The following CMKLR2 variants were observed in gnomAD, a reference collection of about 807,000 sequenced individuals.
CMKLR2 encodes chemerin chemokine-like receptor 2.
A neutral mutation model predicts 23.0 loss-of-function variants in CMKLR2; 18 were observed. That is an observed-to-expected ratio of 0.78 (90% CI 0.54 to 1.16). The LOEUF (loss-of-function observed/expected upper bound fraction) is 1.16. Ranked by LOEUF, CMKLR2 falls within the 50% of genes most tolerant of loss-of-function variation. The pLI is 0.00. For synonymous variants in CMKLR2, 158 were observed against 158.9 expected, an observed-to-expected ratio of 0.99 and a Z score of 0.05; for missense variants, 401 against 412.7, an observed-to-expected ratio of 0.97 and a Z score of 0.25.
intron 1 of CMKLR2, among the ~76,000 whole-genome samples, chr2:206,204,301 C>G (rs1474739742): frequency 6.8e-6 from 1 of 147,766 alleles, no homozygotes; most frequent in Non-Finnish European, 1.5e-5. Flanking sequence ...TTACAGTGAG[C>G]CGAGATCGCA....
chr2:206,198,890 C>G (rs1398751081), intron 1 of CMKLR2, among the ~76,000 whole-genome samples: 2 of 152,168 alleles, frequency 1.3e-5, no homozygotes, highest in Non-Finnish European at 2.9e-5. Context: ...TAGAACCACC[C>G]TAATGAGTCA....
chr2:206,186,755 G>T (rs113654226), intron 1 of CMKLR2, among the ~76,000 whole-genome samples: 4 of 150,864 alleles, frequency 2.7e-5, no homozygotes, highest in Non-Finnish European at 5.9e-5. Context: ...ACTATGGTGG[G>T]TTAAAGAGGT....
At chr2:206,207,359 C>T (rs1298858898) in intron 1 of CMKLR2, among the ~76,000 whole-genome samples, 2 of 151,926 alleles carry the variant, frequency 1.3e-5, no homozygotes, top group African/African-American at 2.4e-5. Context: ...AGGCTGGTCT[C>T]GAACTCCTGA....
chr2:206,194,747 T>TC (rs1688865907), intron 1 of CMKLR2, among the ~76,000 whole-genome samples: 1 of 125,496 alleles, frequency 8.0e-6, no homozygotes, highest in East Asian at 2.3e-4. Context: ...TCATAGACTT[T>TC]TTTTTTTTTT....
At chr2:206,179,062 T>G (rs1335808952) in intron 1 of CMKLR2, among the ~76,000 whole-genome samples, 1,067 of 42,186 alleles carry the variant, frequency 0.025, 83 homozygotes, top group African/African-American at 0.11. Context: ...TCCCTTTTTT[T>G]TTTTTTTTTT....
rs13009411 is a variant in CMKLR2, at chr2:206,212,182, A to T, written c.-29+1125T>A. On this transcript the variant is annotated intron_variant, in intron 1 of 1. Transcript: ENST00000621141. ...TTCTGGTTAACATGATCTGTTATTA[A>T]ATATTTATCTCAGGGACATGACAAT... 3.4e-3 allele frequency among the ~76,000 whole-genome samples: 512 copies of T among 152,266 alleles called. 2 individuals carry two copies. The highest frequency in any genetic ancestry group is 0.011 in the South Asian group (54 of 4,808).
chr2:206,204,603 G>T (rs1689244410), intron 1 of CMKLR2, among the ~76,000 whole-genome samples: 1 of 151,698 alleles, frequency 6.6e-6, no homozygotes. Flanking sequence ...CTGTCGCCCA[G>T]GCCAGAGTGC....
intron 1 of CMKLR2, among the ~76,000 whole-genome samples, chr2:206,201,828 C>A (rs115999966): frequency 6.6e-6 from 1 of 152,068 alleles, no homozygotes; most frequent in East Asian, 1.9e-4. Context: ...GAGAGGGAAC[C>A]GGATGGAGAG....
At chr2:206,188,449 C>G (rs1688649910) in intron 1 of CMKLR2, among the ~76,000 whole-genome samples, 1 of 152,142 alleles carries the variant, frequency 6.6e-6, no homozygotes, top group Non-Finnish European at 1.5e-5. Flanking sequence ...TGCTGAAAGG[C>G]AAATAAATAA....
intron 1 of CMKLR2, among the ~76,000 whole-genome samples, chr2:206,209,712 G>C (rs1417344863): frequency 6.9e-6 from 1 of 145,286 alleles, no homozygotes; most frequent in Non-Finnish European, 1.5e-5. Context: ...GCAGTGGCAT[G>C]ATCTCGGCTC....
chr2:206,202,733 A>C (rs111652878), intron 1 of CMKLR2, among the ~76,000 whole-genome samples: 12,818 of 151,938 alleles, frequency 0.084, 693 homozygotes, highest in Admixed American at 0.19. Flanking sequence ...GCTGGGTTTC[A>C]AGCCATCCAG....
intron 1 of CMKLR2, among the ~76,000 whole-genome samples, chr2:206,212,635 CCA>C (rs1689610101): frequency 6.6e-6 from 1 of 152,148 alleles, no homozygotes. Flanking sequence ...CCCTTGTCTC[CCA>C]CAGTCTTCCC....
intron 1 of CMKLR2, among the ~76,000 whole-genome samples, chr2:206,197,701 AT>A (rs1006101190): frequency 6.6e-6 from 1 of 151,800 alleles, no homozygotes; most frequent in Admixed American, 6.6e-5. Flanking sequence ...TAATTATAAA[AT>A]TTTTTTTGTA....
chr2:206,199,861 C>T (rs1444077841), intron 1 of CMKLR2, among the ~76,000 whole-genome samples: 1 of 151,910 alleles, frequency 6.6e-6, no homozygotes, highest in East Asian at 2.0e-4. Context: ...GGATTACAGG[C>T]GTGAGACACC....
intron 1 of CMKLR2, among the ~76,000 whole-genome samples, 191 bp from the exon 2 acceptor site, chr2:206,177,466 G>A (rs1576031209): frequency 1.3e-5 from 2 of 151,970 alleles, no homozygotes; most frequent in Admixed American, 1.3e-4. Flanking sequence ...TTGGCTCACT[G>A]CAGCCTTGAC....
Position 206,176,463 on chromosome 2 carries a change from T to A in CMKLR2, c.785A>T (p.Tyr262Phe). The change falls in exon 2 of 2, where the codon TAT (tyrosine) becomes TTT (phenylalanine). Residue 262 changes from tyrosine to phenylalanine, a missense_variant. Coordinates refer to ENST00000621141, the MANE Select transcript of CMKLR2 (RefSeq NM_001389445.1). Reference protein sequence around the residue: ...VVAFVVCWTPYHLFSIWELTI... With the variant: ...VVAFVVCWTPFHLFSIWELTI... ...GAGCTCCCAAATGCTAAACAGGTGA[T>A]AAGGAGTCCAGCAAACCACAAAGGC... 1 of 1,614,154 alleles carries A rather than the reference T, an allele frequency of 6.2e-7. No homozygotes were observed. Among genetic ancestry groups the A allele is most frequent in the Non-Finnish European group, 8.5e-7 (1 of 1,180,026 alleles).
chr2:206,182,858 T>G (rs932264261), intron 1 of CMKLR2, among the ~76,000 whole-genome samples: 2 of 152,124 alleles, frequency 1.3e-5, no homozygotes, highest in African/African-American at 4.8e-5. Flanking sequence ...GACCTCGTGA[T>G]CCACCCGTCT....
At chr2:206,195,116 A>G (rs965164271) in intron 1 of CMKLR2, among the ~76,000 whole-genome samples, 8 of 152,158 alleles carry the variant, frequency 5.3e-5, no homozygotes, top group Admixed American at 5.2e-4. Flanking sequence ...CTGCAACACT[A>G]TTTTCTCATG....
At chr2:206,184,546 C>T (rs913163136) in intron 1 of CMKLR2, among the ~76,000 whole-genome samples, 7 of 152,198 alleles carry the variant, frequency 4.6e-5, no homozygotes, top group African/African-American at 1.2e-4. Context: ...CCAGCCGCCT[C>T]GGCCTCCCAA....
Sources: allele counts gnomAD v4.1 joint callset (sites outside exome capture counted in the v4.1 genomes callset), GRCh38; gene constraint gnomAD v4.1.1; transcripts MANE v1.5; gene names NCBI Gene and HGNC (gene_info 2026-07-23, HGNC 2026-07-21).